Variants in ETS1 observed in about 807,000 individuals in gnomAD.
ETS1 encodes the protein protein C-ets-1.
A neutral mutation model predicts 58.6 loss-of-function variants in ETS1; 15 were observed. That is an observed-to-expected ratio of 0.26 (90% CI 0.17 to 0.39). The LOEUF is 0.39. Ranked by LOEUF, ETS1 falls within the 10% of genes least tolerant of loss-of-function variation. ETS1 has a pLI of 1.00. For missense variants in ETS1, 417 were observed against 610.5 expected, an observed-to-expected ratio of 0.68 and a Z score of 3.34; for synonymous variants, 214 against 218.2, an observed-to-expected ratio of 0.98 and a Z score of 0.17.
At chr11:128,510,899 G>A (rs760903702) in intron 3 of ETS1, among the ~76,000 whole-genome samples, 11 of 152,166 alleles carry the variant, frequency 7.2e-5, no homozygotes, top group South Asian at 2.1e-4. Context: ...AATAAGGTCC[G>A]GCCAGAGGGG....
chr11:128,498,783 T>A (rs1379076536), intron 3 of ETS1, among the ~76,000 whole-genome samples: 1 of 152,196 alleles, frequency 6.6e-6, no homozygotes, highest in Admixed American at 6.5e-5. Context: ...ACCACCTCCA[T>A]AGGGTACATT....
chr11:128,584,942 G>C (rs1421939770), intron 1 of ETS1, among the ~76,000 whole-genome samples: 2 of 13,264 alleles, frequency 1.5e-4, no homozygotes, highest in African/African-American at 1.3e-3. Flanking sequence ...AAAGAGAAAA[G>C]AAAGAAAGAA....
chr11:128,557,898 GTAC>G (rs1353791387), intron 2 of ETS1, among the ~76,000 whole-genome samples: 8 of 152,284 alleles, frequency 5.3e-5, no homozygotes, highest in African/African-American at 1.2e-4. Context: ...CAAGAATTCA[GTAC>G]TACTATGTTA....
intron 3 of ETS1, among the ~76,000 whole-genome samples, chr11:128,537,782 A>G (rs1042079407): frequency 1.3e-5 from 2 of 152,208 alleles, no homozygotes; most frequent in Admixed American, 6.5e-5. Flanking sequence ...CAAATAGGAC[A>G]TAGCATTACA....
At chr11:128,526,658 C>G (rs1367247829) in intron 3 of ETS1, 1 of 304,342 alleles carries the variant, frequency 3.3e-6, no homozygotes, top group African/African-American at 2.3e-5. Flanking sequence ...CTTAAACTGG[C>G]AACCTGCCCA....
chr11:128,532,674 G>C (rs1466228348), intron 3 of ETS1, among the ~76,000 whole-genome samples: 3 of 149,988 alleles, frequency 2.0e-5, no homozygotes, highest in Admixed American at 1.3e-4. Context: ...TTTTTCCCCA[G>C]TGACTTTGGG....
Position 128,489,390 on chromosome 11 carries a change from A to G in ETS1, c.435T>C (p.Asn145=), listed in dbSNP as rs757838796. The stretch of plus-strand genomic sequence containing the variant: ...TACCCAGGGCGCAGAGGGCTGCTCC[A>G]TTCATACAGAACTTCTGGAAGTCTA... ...KGVDFQKFCM[N]GAALCALGKD... The change falls in exon 5 of 10, where the codon AAT becomes AAC. Residue 145 remains asparagine, a synonymous_variant. Coordinates refer to ENST00000392668, the MANE Select transcript of ETS1 (RefSeq NM_001143820.2). 5.0e-6 allele frequency: 8 copies of G among 1,614,102 alleles called. No homozygotes were observed. The highest frequency in any genetic ancestry group is 1.3e-5 in the African/African-American group (1 of 74,938).
intron 3 of ETS1, among the ~76,000 whole-genome samples, chr11:128,507,219 G>C (rs750931737): frequency 3.3e-5 from 5 of 152,124 alleles, no homozygotes; most frequent in Non-Finnish European, 5.9e-5. Flanking sequence ...GACTCAGATC[G>C]AGCCGGGCTC....
At chr11:128,572,756 C>G (rs1010751043) in intron 2 of ETS1, among the ~76,000 whole-genome samples, 1 of 152,158 alleles carries the variant, frequency 6.6e-6, no homozygotes, top group African/African-American at 2.4e-5. Context: ...TGTAAAAAAT[C>G]ATCAAATGAA....
At chr11:128,530,714 A>T (rs1210208231) in intron 3 of ETS1, among the ~76,000 whole-genome samples, 1 of 152,158 alleles carries the variant, frequency 6.6e-6, no homozygotes, top group Non-Finnish European at 1.5e-5. Context: ...AGAGGAAAAA[A>T]CAAAGGGCAG....
intron 3 of ETS1, among the ~76,000 whole-genome samples, chr11:128,519,046 G>A (rs966834362): frequency 1.3e-5 from 2 of 152,186 alleles, no homozygotes; most frequent in Non-Finnish European, 2.9e-5. Context: ...GAGAGAACCA[G>A]GAGTGAACCC....
intron 3 of ETS1, among the ~76,000 whole-genome samples, chr11:128,503,656 C>G (rs954121789): frequency 6.6e-6 from 1 of 152,180 alleles, no homozygotes; most frequent in Non-Finnish European, 1.5e-5. Flanking sequence ...CATTCAAACA[C>G]TGCTTCCTTG....
At chr11:128,490,352 C>A in intron 4 of ETS1, 105 bp downstream of exon 4, 1 of 1,204,574 alleles carries the variant, frequency 8.3e-7, no homozygotes, top group South Asian at 1.4e-5. Context: ...GCTGCTGACT[C>A]CAATGTGGTT....
chr11:128,487,687 C>T (rs1344021910), intron 5 of ETS1, among the ~76,000 whole-genome samples: 1 of 151,858 alleles, frequency 6.6e-6, no homozygotes, highest in Non-Finnish European at 1.5e-5. Context: ...TGCAGTGAGC[C>T]GACATCGCGC....
At chr11:128,551,083 GACAC>G (rs1387280234) in intron 3 of ETS1, among the ~76,000 whole-genome samples, 3 of 152,158 alleles carry the variant, frequency 2.0e-5, no homozygotes. Flanking sequence ...CAAAGAACCT[GACAC>G]ACACCCTTTA....
At chr11:128,503,800 C>A (rs903551725) in intron 3 of ETS1, among the ~76,000 whole-genome samples, 1 of 152,144 alleles carries the variant, frequency 6.6e-6, no homozygotes, top group Non-Finnish European at 1.5e-5. Flanking sequence ...CAGAGAGACA[C>A]ACATTCTTAC....
intron 3 of ETS1, among the ~76,000 whole-genome samples, chr11:128,496,214 T>C (rs1862937472): frequency 6.6e-6 from 1 of 152,066 alleles, no homozygotes; most frequent in South Asian, 2.1e-4. Context: ...ATTGGCCCAC[T>C]TGAACCACAG....
chr11:128,522,989 T>C (rs926008901), intron 3 of ETS1, among the ~76,000 whole-genome samples: 1 of 150,152 alleles, frequency 6.7e-6, no homozygotes, highest in Admixed American at 6.7e-5. Flanking sequence ...GACCCCAAAC[T>C]AGAACCCAGC....
chr11:128,533,345 C>A (rs1414356562), intron 3 of ETS1, among the ~76,000 whole-genome samples: 2 of 152,194 alleles, frequency 1.3e-5, no homozygotes, highest in African/African-American at 4.8e-5. Flanking sequence ...CAAGATGCAG[C>A]CAAGGTGGCC....
Sources: allele counts gnomAD v4.1 joint callset (sites outside exome capture counted in the v4.1 genomes callset), GRCh38; gene constraint gnomAD v4.1.1; transcripts MANE v1.5; gene names NCBI Gene and HGNC (gene_info 2026-07-23, HGNC 2026-07-21).